GABRE: variants seen among roughly 807,000 people sequenced by gnomAD.
GABRE encodes gamma-aminobutyric acid receptor subunit epsilon.
Under a neutral mutation model 31.0 loss-of-function variants are expected in GABRE, and 20 were observed. The ratio of observed to expected loss-of-function variants is 0.64; its 90% confidence interval spans 0.45 to 0.94. The LOEUF is 0.94. Among genes scored for constraint, GABRE ranks in the 40% least tolerant of loss-of-function variants. The pLI, the probability that GABRE is intolerant of heterozygous loss-of-function variation, is 0.00. For missense variants in GABRE, 420 were observed against 410.7 expected (o/e 1.02, Z -0.20); for synonymous variants, 155 against 150.6 (o/e 1.03, Z -0.21).
chrX:151,970,060 G>T lies in GABRE; in HGVS notation c.274+125C>A, dbSNP rs1015863445. On this transcript the variant is annotated intron_variant, in intron 2 of 8. Coordinates refer to ENST00000370328, the MANE Select transcript of GABRE (RefSeq NM_004961.4). Reference sequence around the variant, plus strand: ...AGAGTTAATATCTCTTACCTGACAGGTCAATAGCAGATGTTCCTGTCCATG... The same window carrying T: ...AGAGTTAATATCTCTTACCTGACAGTTCAATAGCAGATGTTCCTGTCCATG... 50 of 1,134,429 alleles carry T rather than the reference G, an allele frequency of 4.4e-5. 1 individual carries two copies. In the East Asian group the frequency reaches 1.5e-3, roughly 33 times the overall value. The allele number at this position is 1,134,429 out of a possible 1,213,427, so 93.5% of individuals were successfully genotyped here. A position where few individuals can be genotyped will look rare whatever the true frequency, so the allele number is the denominator to read the frequency against.
At position 151,970,346 on chromosome X, in the gene GABRE, T is replaced by C. The variant is rs61730039; in HGVS notation, c.113A>G (p.Tyr38Cys). The C allele has an allele frequency of 5.4e-3, 6,561 of 1,210,013 alleles. 22 individuals are homozygous for C. Among genetic ancestry groups the C allele is most frequent in the Middle Eastern group, 0.01 (42 of 4,054 alleles). ...KNEASSRDVV[Y>C]GPQPQPLENQ... Reference sequence around the variant, plus strand: ...TTCCAGAGGCTGGGGCTGGGGGCCATAGACAACATCACGGGAAGAGGCTTC... The same window carrying C: ...TTCCAGAGGCTGGGGCTGGGGGCCACAGACAACATCACGGGAAGAGGCTTC... The change falls in exon 2 of 9, where the codon TAT becomes TGT. Residue 38 changes from tyrosine to cysteine, a missense_variant. Coordinates refer to ENST00000370328, the MANE Select transcript of GABRE (RefSeq NM_004961.4).
intron 1 of GABRE, among the ~76,000 whole-genome samples, chrX:151,973,054 C>CT (rs34732158): frequency 9.3e-6 from 1 of 107,379 alleles, no homozygotes; most frequent in African/African-American, 3.4e-5. Flanking sequence ...TAAATCAGAT[C>CT]TTTTTTTTCA....
intron 6 of GABRE, chrX:151,958,784 G>A: frequency 3.6e-6 from 1 of 277,728 alleles, no homozygotes; most frequent in Non-Finnish European, 6.9e-6. Context: ...CCAAGTCAAA[G>A]GTAGTAAAAC....
rs1337590717 is a variant in GABRE, at chrX:151,954,785, G to C, written c.1437C>G (p.Arg479=). 1 of 1,210,224 alleles carries C rather than the reference G, an allele frequency of 8.3e-7. No individual in the cohort carries two copies. Among genetic ancestry groups the C allele is most frequent in the Non-Finnish European group, 1.1e-6 (1 of 895,180 alleles). Residue 479 remains arginine (R), a synonymous_variant, in exon 9 of 9, where the codon CGC becomes CGG. Coordinates refer to ENST00000370328, the MANE Select transcript of GABRE (RefSeq NM_004961.4). ...QQGRLCIHVY[R]LDNYSRVVFP... is the part of the protein sequence containing the mutation. ...AAACAACTCTCGAGTAGTTATCCAG[G>C]CGGTAGACATGGATGCAGAGGCGGC... is the stretch of plus-strand genomic sequence containing the variant.
intron 1 of GABRE, chrX:151,971,832 CGTGT>C (rs752126075): frequency 0.034 from 2,812 of 83,318 alleles, 95 homozygotes; most frequent in African/African-American, 0.1. Flanking sequence ...GAGATGCATG[CGTGT>C]GTGTGTGTGT....
At chrX:151,967,672 C>T (rs183131126) in intron 3 of GABRE, among the ~76,000 whole-genome samples, 6 of 112,650 alleles carry the variant, frequency 5.3e-5, no homozygotes, top group East Asian at 2.8e-4. Context: ...TAGTGGTAAA[C>T]GCACTGGTAG....
chrX:151,954,847 T>C lies in GABRE; in HGVS notation c.1375A>G (p.Met459Val), dbSNP rs756553429. 2 of 1,210,432 alleles carry C rather than the reference T, an allele frequency of 1.7e-6. No individual in the cohort carries two copies. The highest frequency in any genetic ancestry group is 1.1e-6 in the Non-Finnish European group (1 of 895,333). ...GTACTGCCCTCACAATCGGGGACCA[T>C]GCAGAAGTACTTCTTAAAACGCTTG... is the stretch of plus-strand genomic sequence containing the variant. ...WCKRFKKYFC[M>V]VPDCEGSTWQ... The change falls in exon 9 of 9, where the codon ATG becomes GTG. Residue 459 changes from methionine (M) to valine (V), a missense_variant. Transcript: ENST00000370328.
chrX:151,972,530 C>A, intron 1 of GABRE: 1 of 753,944 alleles, frequency 1.3e-6, no homozygotes, highest in Non-Finnish European at 1.6e-6. Context: ...GCAGCCCCTC[C>A]CAGATGTCTG....
At chrX:151,960,302 A>G in intron 5 of GABRE, among the ~76,000 whole-genome samples, 1 of 112,481 alleles carries the variant, frequency 8.9e-6, no homozygotes, top group South Asian at 3.8e-4. Context: ...TCCACAGAAC[A>G]GCGGGGAAAC....
chrX:151,973,233 C>A (rs762158601), intron 1 of GABRE, among the ~76,000 whole-genome samples: 73 of 110,408 alleles, frequency 6.6e-4, no homozygotes, highest in Middle Eastern at 4.6e-3. Context: ...GGTTGCTATG[C>A]TTGAAGGGCA....
intron 5 of GABRE, 78 bp from the exon 6 acceptor site, chrX:151,960,054 T>G: frequency 1.0e-6 from 1 of 962,281 alleles, no homozygotes; most frequent in Admixed American, 2.5e-5. Context: ...GAAGTCAGCC[T>G]GCACAATGCC....
chrX:151,960,143 C>T lies in GABRE; in HGVS notation c.647-167G>A, dbSNP rs2472333. Among the ~76,000 whole-genome samples the T allele has an allele frequency of 5.9e-3, 663 of 112,090 alleles. 1 individual carries two copies. Among genetic ancestry groups the T allele is most frequent in the African/African-American group, 0.021 (635 of 30,863 alleles). ...ATTGTTGAAGTCCATTCAATGAGTG[C>T]GTTTACTGAGCATTCCTCAGTATCA... On this transcript the variant is annotated intron_variant, in intron 5 of 8. Transcript: ENST00000370328.
At chrX:151,964,575 C>T (rs1288093723) in intron 3 of GABRE, among the ~76,000 whole-genome samples, 1 of 111,453 alleles carries the variant, frequency 9.0e-6, no homozygotes, top group Non-Finnish European at 1.9e-5. Flanking sequence ...GGCTGTGATG[C>T]TACTCCAGCC....
In GABRE at chrX:151,953,965, C is replaced by T. The variant is rs1430450866; in HGVS notation, c.*736G>A. On this transcript the variant is annotated 3_prime_UTR_variant, in exon 9 of 9. Coordinates refer to ENST00000370328, the MANE Select transcript of GABRE (RefSeq NM_004961.4). ...CTATAATCACACACAAAAATAGATA[C>T]CCATTGGATGAAGGGCATTGAATTG... The T allele has an allele frequency of 2.7e-5, 3 of 111,523 alleles. No homozygotes were observed. The highest frequency in any genetic ancestry group is 9.5e-5 in the Admixed American group (1 of 10,498). 9.2% of individuals were successfully genotyped at this position (111,523 alleles called of 1,213,427 possible).
At chrX:151,959,529 G>T in intron 6 of GABRE, 9 of 382,696 alleles carry the variant, frequency 2.4e-5, no homozygotes, top group South Asian at 2.3e-4. Context: ...AGAGGTCAGA[G>T]TTGTAACCTC....
intron 3 of GABRE, among the ~76,000 whole-genome samples, chrX:151,965,162 G>C (rs963371177): frequency 5.4e-5 from 6 of 111,617 alleles, no homozygotes; most frequent in Non-Finnish European, 1.1e-4. Context: ...GGGGAGCTGG[G>C]GGGGAAAGGA....
intron 3 of GABRE, among the ~76,000 whole-genome samples, chrX:151,968,408 T>C (rs1251843245): frequency 8.9e-6 from 1 of 112,410 alleles, no homozygotes; most frequent in Non-Finnish European, 1.9e-5. Context: ...AATGCATAGG[T>C]AGTGTGCCTG....
At chrX:151,974,504 C>A (rs1336051353) in intron 1 of GABRE, 66 bp downstream of exon 1, 12 of 780,015 alleles carry the variant, frequency 1.5e-5, no homozygotes, top group Admixed American at 8.1e-5. Context: ...TCCCGGGAGC[C>A]GTCCCGGCTC....
chrX:151,971,051 C>A, intron 1 of GABRE: 2 of 818,226 alleles, frequency 2.4e-6, no homozygotes, highest in Non-Finnish European at 3.0e-6. Flanking sequence ...CACAGCCATG[C>A]ACCACAGCCA....
Sources: allele counts gnomAD v4.1 joint callset (sites outside exome capture counted in the v4.1 genomes callset), GRCh38; gene constraint gnomAD v4.1.1; transcripts MANE v1.5; gene names NCBI Gene and HGNC (gene_info 2026-07-23, HGNC 2026-07-21).